Variants in ZNF385D observed in about 807,000 individuals in gnomAD.
ZNF385D encodes the protein zinc finger protein 385D, also known as zinc finger protein 659.
Under a neutral mutation model 35.8 loss-of-function variants are expected in ZNF385D, and 15 were observed. That is an observed-to-expected ratio of 0.42 (90% CI 0.28 to 0.64). ZNF385D has a LOEUF of 0.64. Among genes scored for constraint, ZNF385D ranks in the 30% least tolerant of loss-of-function variants. The pLI is 0.23. For synonymous variants in ZNF385D, 212 were observed against 186.8 expected, an observed-to-expected ratio of 1.13 and a Z score of -1.10; for missense variants, 474 against 494.6, an observed-to-expected ratio of 0.96 and a Z score of 0.39.
chr3:22,171,876 CAAAAAA>C (rs370469654), intron 2 of ZNF385D, among the ~76,000 whole-genome samples: 128 of 100,768 alleles, frequency 1.3e-3, no homozygotes, highest in African/African-American at 4.1e-3. Context: ...GACTCGGTCT[CAAAAAA>C]AAAAAAAAAA....
At chr3:22,105,758 G>A (rs1304431236) in intron 3 of ZNF385D, among the ~76,000 whole-genome samples, 1 of 152,020 alleles carries the variant, frequency 6.6e-6, no homozygotes, top group Non-Finnish European at 1.5e-5. Context: ...CATTGGGGAG[G>A]GCCATCTGCT....
Position 22,089,786 on chromosome 3 carries a change from T to C in ZNF385D, c.325+79031A>G, listed in dbSNP as rs184515663. On this transcript the variant is annotated intron_variant, in intron 3 of 5. Transcript: ENST00000494108. ...TCTTATATTTTTAGAGTCTTTATTATGACTAACAAATCCTCCATGACTTCA... is the reference window on the plus strand; with the variant it reads ...TCTTATATTTTTAGAGTCTTTATTACGACTAACAAATCCTCCATGACTTCA... Among the ~76,000 whole-genome samples the C allele has an allele frequency of 3.2e-3, 491 of 152,334 alleles. 2 individuals carry two copies. Among genetic ancestry groups the C allele is most frequent in the Non-Finnish European group, 3.9e-3 (268 of 68,030 alleles).
At chr3:21,874,780 T>C (rs1030106365) in intron 3 of ZNF385D, among the ~76,000 whole-genome samples, 2 of 152,072 alleles carry the variant, frequency 1.3e-5, no homozygotes, top group Non-Finnish European at 2.9e-5. Flanking sequence ...AAAAATGTTA[T>C]TGAGATTTTA....
At chr3:21,983,161 T>TTTA (rs1422785095) in intron 3 of ZNF385D, among the ~76,000 whole-genome samples, 1 of 64,170 alleles carries the variant, frequency 1.6e-5, no homozygotes, top group African/African-American at 1.9e-4. Flanking sequence ...TTTATTTTAT[T>TTTA]TTATTATTTT....
chr3:21,934,202 G>C (rs1338829911), intron 3 of ZNF385D, among the ~76,000 whole-genome samples: 4 of 151,988 alleles, frequency 2.6e-5, no homozygotes. Flanking sequence ...ATCTTACTTT[G>C]GAATTCAACT....
At chr3:21,610,228 A>T (rs1047025825) in intron 2 of ZNF385D, among the ~76,000 whole-genome samples, 5 of 152,158 alleles carry the variant, frequency 3.3e-5, no homozygotes. Context: ...TTCTATTACA[A>T]CAAAGGACAA....
At chr3:22,266,719 G>A (rs1021621983) in intron 2 of ZNF385D, among the ~76,000 whole-genome samples, 5 of 151,844 alleles carry the variant, frequency 3.3e-5, no homozygotes, top group South Asian at 2.1e-4. Context: ...TATATTTCAT[G>A]TCCCAAAGCA....
At chr3:21,713,650 A>G (rs545915420) in intron 1 of ZNF385D, among the ~76,000 whole-genome samples, 2 of 152,178 alleles carry the variant, frequency 1.3e-5, no homozygotes, top group African/African-American at 4.8e-5. Flanking sequence ...TACAACTGAC[A>G]TAATTTTTAG....
At chr3:22,176,602 C>T (rs547567410) in intron 2 of ZNF385D, among the ~76,000 whole-genome samples, 3 of 152,288 alleles carry the variant, frequency 2.0e-5, no homozygotes, top group South Asian at 2.1e-4. Flanking sequence ...TTTGCAGACT[C>T]ACCTACAAAA....
At chr3:21,532,193 T>C (rs2061941694) in intron 3 of ZNF385D, among the ~76,000 whole-genome samples, 1 of 151,982 alleles carries the variant, frequency 6.6e-6, no homozygotes. Context: ...CGAGGGAAGG[T>C]TTAGAATTAG....
At chr3:21,685,336 A>G (rs1266347281) in intron 1 of ZNF385D, among the ~76,000 whole-genome samples, 1 of 152,210 alleles carries the variant, frequency 6.6e-6, no homozygotes, top group African/African-American at 2.4e-5. Flanking sequence ...TGCTTGAAAC[A>G]CAAGCACACT....
At chr3:21,873,742 T>G (rs1697816600) in intron 3 of ZNF385D, among the ~76,000 whole-genome samples, 1 of 152,154 alleles carries the variant, frequency 6.6e-6, no homozygotes, top group Non-Finnish European at 1.5e-5. Context: ...TATTTGTCCT[T>G]TTGTGACTGG....
At position 21,970,898 on chromosome 3, in the gene ZNF385D, G is replaced by C. The variant is rs533321562; in HGVS notation, c.325+197919C>G. 7.2e-5 allele frequency among the ~76,000 whole-genome samples: 11 copies of C among 152,066 alleles called. 1 individual carries two copies. In the South Asian group the frequency reaches 1.7e-3, roughly 23 times the overall value. ...CCAGTGAAAACTTTACAGGCCAGGA[G>C]AGAGTGGCAGGGCATATTTAAAGTG... is the stretch of plus-strand genomic sequence containing the variant. On this transcript the variant is annotated intron_variant, in intron 3 of 5. Coordinates refer to the ZNF385D transcript ENST00000494108.
chr3:21,854,886 G>C (rs76998248), intron 3 of ZNF385D, among the ~76,000 whole-genome samples: 1 of 151,918 alleles, frequency 6.6e-6, no homozygotes, highest in African/African-American at 2.4e-5. Flanking sequence ...AATGATGACA[G>C]GTTTGAGTAG....
intron 2 of ZNF385D, among the ~76,000 whole-genome samples, chr3:22,227,407 C>G (rs1698626269): frequency 6.6e-6 from 1 of 152,172 alleles, no homozygotes; most frequent in South Asian, 2.1e-4. Flanking sequence ...CTACTCCATA[C>G]TATGGAGGAA....
chr3:21,885,825 T>G (rs1698519212), intron 3 of ZNF385D, among the ~76,000 whole-genome samples: 1 of 151,430 alleles, frequency 6.6e-6, no homozygotes, highest in Admixed American at 6.6e-5. Flanking sequence ...CTCACACAAC[T>G]GTGAAGGCTC....
At chr3:21,521,319 A>G (rs543751028) in intron 3 of ZNF385D, among the ~76,000 whole-genome samples, 4 of 152,222 alleles carry the variant, frequency 2.6e-5, no homozygotes, top group Non-Finnish European at 5.9e-5. Flanking sequence ...GGTGGAGTCT[A>G]CCCATATTCA....
At chr3:21,810,785 C>A (rs2072883660) in intron 3 of ZNF385D, among the ~76,000 whole-genome samples, 1 of 151,890 alleles carries the variant, frequency 6.6e-6, no homozygotes, top group African/African-American at 2.4e-5. Context: ...CATCCCTACA[C>A]AATATTTATA....
At chr3:21,845,140 T>C (rs1295369969) in intron 3 of ZNF385D, among the ~76,000 whole-genome samples, 1 of 152,002 alleles carries the variant, frequency 6.6e-6, no homozygotes, top group Non-Finnish European at 1.5e-5. Context: ...GTTAGTCATT[T>C]ATTCTCTAGT....
Sources: allele counts gnomAD v4.1 joint callset (sites outside exome capture counted in the v4.1 genomes callset), GRCh38; gene constraint gnomAD v4.1.1; transcripts MANE v1.5; gene names NCBI Gene and HGNC (gene_info 2026-07-23, HGNC 2026-07-21).